MSRA: variants seen among roughly 807,000 people sequenced by gnomAD.
MSRA encodes methionine sulfoxide reductase A, also known as mitochondrial peptide methionine sulfoxide reductase.
In MSRA, 54 loss-of-function variants were observed where a neutral mutation model predicts 31.3. That is an observed-to-expected ratio of 1.73 (90% confidence interval 1.39 to 2.17). MSRA has a LOEUF of 2.17. Ranked by LOEUF, MSRA falls within the 30% of genes most tolerant of loss-of-function variation. MSRA has a pLI of 0.00. For synonymous variants in MSRA, 169 were observed against 116.5 expected (o/e 1.45, Z -2.90); for missense variants, 507 against 300.9 (o/e 1.69, Z -5.07).
In MSRA at chr8:10,371,392, G is replaced by A. The variant is rs574359895; in HGVS notation, c.543+51403G>A. Among the ~76,000 whole-genome samples the A allele has an allele frequency of 2.2e-4, 33 of 152,196 alleles. No homozygotes were observed. In the South Asian group the frequency reaches 4.2e-3, roughly 19 times the overall value. ...CCTGTGCCGGCCGGCGCCTCGTTCC[G>A]TAGCTTCCCTGACCCCACATAGAAC... is the stretch of plus-strand genomic sequence containing the variant. On this transcript the variant is annotated intron_variant, in intron 5 of 5. Transcript: ENST00000317173.
intron 5 of MSRA, among the ~76,000 whole-genome samples, chr8:10,417,754 T>TTTGTGTGTGTG (rs1808557956): frequency 2.3e-5 from 3 of 129,842 alleles, no homozygotes; most frequent in African/African-American, 8.6e-5. Context: ...AACCTGCATG[T>TTTGTGTGTGTG]TGTGTGTGTG....
At chr8:10,075,952 C>G (rs1251810240) in intron 1 of MSRA, among the ~76,000 whole-genome samples, 3 of 152,142 alleles carry the variant, frequency 2.0e-5, no homozygotes, top group Non-Finnish European at 4.4e-5. Flanking sequence ...CCTTTCATGA[C>G]CATACGTCGA....
chr8:10,183,150 G>C (rs1806694123), intron 1 of MSRA, among the ~76,000 whole-genome samples: 1 of 152,112 alleles, frequency 6.6e-6, no homozygotes, highest in South Asian at 2.1e-4. Flanking sequence ...TTTGCTCTTA[G>C]CTCTTGAGGA....
intron 5 of MSRA, among the ~76,000 whole-genome samples, chr8:10,374,835 G>T (rs1047297828): frequency 6.6e-6 from 1 of 152,206 alleles, no homozygotes; most frequent in African/African-American, 2.4e-5. Flanking sequence ...ACATTGGCTC[G>T]TGGAGGCAGA....
chr8:10,308,841 C>T (rs1373687025), intron 4 of MSRA, among the ~76,000 whole-genome samples: 1 of 152,218 alleles, frequency 6.6e-6, no homozygotes, highest in Non-Finnish European at 1.5e-5. Flanking sequence ...TTTGGAACCT[C>T]ATTGCTTCTC....
At chr8:10,326,938 T>C (rs1802396185) in intron 5 of MSRA, among the ~76,000 whole-genome samples, 1 of 152,176 alleles carries the variant, frequency 6.6e-6, no homozygotes, top group Admixed American at 6.5e-5. Context: ...AGGAATTAAA[T>C]CTTTTCCCAC....
At chr8:10,190,426 C>T (rs181351809) in intron 1 of MSRA, among the ~76,000 whole-genome samples, 2 of 152,334 alleles carry the variant, frequency 1.3e-5, no homozygotes, top group Admixed American at 6.5e-5. Context: ...ACACCCCCAG[C>T]ACGTCATGCT....
At chr8:10,214,669 A>C (rs1809832693) in intron 2 of MSRA, among the ~76,000 whole-genome samples, 1 of 152,222 alleles carries the variant, frequency 6.6e-6, no homozygotes, top group African/African-American at 2.4e-5. Context: ...TTAGCGAAAC[A>C]ATCTAAATTC....
At chr8:10,207,402 T>G (rs982339672) in intron 1 of MSRA, among the ~76,000 whole-genome samples, 4 of 152,254 alleles carry the variant, frequency 2.6e-5, no homozygotes, top group African/African-American at 9.6e-5. Context: ...TTGCCCTTTT[T>G]ACTTCTCACT....
intron 4 of MSRA, among the ~76,000 whole-genome samples, chr8:10,303,889 T>A (rs1027908498): frequency 6.6e-6 from 1 of 152,250 alleles, no homozygotes; most frequent in Non-Finnish European, 1.5e-5. Flanking sequence ...AACAATCTTA[T>A]GCCCATTATA....
intron 1 of MSRA, among the ~76,000 whole-genome samples, chr8:10,138,270 A>G (rs1802439505): frequency 6.6e-6 from 1 of 152,326 alleles, no homozygotes; most frequent in East Asian, 1.9e-4. Flanking sequence ...GTTTCAATAA[A>G]GGTGCTATCT....
intron 5 of MSRA, among the ~76,000 whole-genome samples, chr8:10,334,956 C>T (rs11781529): frequency 0.19 from 28,440 of 152,246 alleles, 3,569 homozygotes; most frequent in Non-Finnish European, 0.28. Context: ...GCAGCCGGCG[C>T]GGCGAGCCCG....
At chr8:10,222,549 T>C (rs1331676240) in intron 2 of MSRA, among the ~76,000 whole-genome samples, 1 of 152,200 alleles carries the variant, frequency 6.6e-6, no homozygotes, top group Non-Finnish European at 1.5e-5. Context: ...ATTCATACTC[T>C]CACGTTCATT....
chr8:10,267,520 A>G (rs1798809185), intron 3 of MSRA, among the ~76,000 whole-genome samples: 1 of 152,118 alleles, frequency 6.6e-6, no homozygotes, highest in Non-Finnish European at 1.5e-5. Flanking sequence ...CAGTCTCCAC[A>G]CCACAGTTAT....
chr8:10,278,077 C>G (rs1032953464), intron 3 of MSRA, among the ~76,000 whole-genome samples: 2 of 152,056 alleles, frequency 1.3e-5, no homozygotes, highest in African/African-American at 4.8e-5. Context: ...TTGTTAAACA[C>G]TTTATTATCA....
chr8:10,240,955 G>A (rs943878991), intron 2 of MSRA, among the ~76,000 whole-genome samples: 1 of 152,150 alleles, frequency 6.6e-6, no homozygotes, highest in African/African-American at 2.4e-5. Flanking sequence ...GGTGCTGGGG[G>A]AGTCTGGCTT....
At chr8:10,235,095 C>T (rs1416983470) in intron 2 of MSRA, among the ~76,000 whole-genome samples, 2 of 150,730 alleles carry the variant, frequency 1.3e-5, no homozygotes, top group East Asian at 4.0e-4. Context: ...AAACCCTGTA[C>T]CTAAGAAACA....
intron 1 of MSRA, among the ~76,000 whole-genome samples, chr8:10,153,796 C>T (rs1008290606): frequency 4.6e-5 from 7 of 152,210 alleles, no homozygotes; most frequent in African/African-American, 1.7e-4. Flanking sequence ...GAAAAAAATT[C>T]TAGAGCTAGA....
At chr8:10,319,630 G>C (rs1801928182) in intron 4 of MSRA, among the ~76,000 whole-genome samples, 1 of 151,340 alleles carries the variant, frequency 6.6e-6, no homozygotes, top group Non-Finnish European at 1.5e-5. Flanking sequence ...CATCTAGTAT[G>C]ATCCAAGACC....
Sources: gnomAD v4.1 joint callset for allele counts (sites outside exome capture counted in the v4.1 genomes callset) on GRCh38, gnomAD v4.1.1 for gene constraint, MANE v1.5 for transcripts, NCBI Gene and HGNC (gene_info 2026-07-23, HGNC 2026-07-21) for gene names.